Variants in ZNRF1 observed in about 807,000 individuals in gnomAD.
The protein encoded by ZNRF1 is E3 ubiquitin-protein ligase ZNRF1.
Under a neutral mutation model 18.4 loss-of-function variants are expected in ZNRF1, and 3 were observed. That is an observed-to-expected ratio of 0.16 (90% CI 0.07 to 0.42). The LOEUF is 0.42. Among genes scored for constraint, ZNRF1 ranks in the 10% least tolerant of loss-of-function variants. The pLI is 0.99. For missense variants in ZNRF1, 310 were observed against 329.8 expected (o/e 0.94, Z 0.47); for synonymous variants, 157 against 144.2 (o/e 1.09, Z -0.64).
intron 1 of ZNRF1, among the ~76,000 whole-genome samples, chr16:75,025,295 C>G (rs765333708): frequency 6.6e-6 from 1 of 152,058 alleles, no homozygotes. Context: ...GTCTCGATCT[C>G]CTGACCTTGT....
intron 1 of ZNRF1, among the ~76,000 whole-genome samples, chr16:75,024,209 C>A (rs1473322184): frequency 6.6e-6 from 1 of 152,102 alleles, no homozygotes; most frequent in Non-Finnish European, 1.5e-5. Flanking sequence ...TGCCCACAGT[C>A]CATACTAACT....
chr16:75,002,707 T>C (rs1334222572), intron 1 of ZNRF1, among the ~76,000 whole-genome samples: 5 of 152,208 alleles, frequency 3.3e-5, no homozygotes, highest in Non-Finnish European at 7.3e-5. Context: ...AAAATAGTTG[T>C]GGTCACCCTC....
chr16:75,052,944 G>A (rs2035623239), intron 1 of ZNRF1, among the ~76,000 whole-genome samples: 1 of 152,228 alleles, frequency 6.6e-6, no homozygotes, highest in African/African-American at 2.4e-5. Context: ...AAAATGAGGA[G>A]AATCTGAGCC....
intron 1 of ZNRF1, among the ~76,000 whole-genome samples, chr16:75,031,268 A>T (rs2035299374): frequency 6.6e-6 from 1 of 151,674 alleles, no homozygotes. Flanking sequence ...GGTAGCTAGG[A>T]TTACAGGCGT....
chr16:75,030,833 C>CTTTTTTTTTTTTTTTTTTTT (rs59468839), intron 1 of ZNRF1, among the ~76,000 whole-genome samples: 2 of 91,378 alleles, frequency 2.2e-5, no homozygotes, highest in Non-Finnish European at 4.4e-5. Flanking sequence ...CACTTTATTC[C>CTTTTTTTTTTTTTTTTTTTT]TTTTTTTTTT....
chr16:75,004,582 G>C (rs1180004262), intron 1 of ZNRF1, among the ~76,000 whole-genome samples: 1 of 152,160 alleles, frequency 6.6e-6, no homozygotes, highest in Non-Finnish European at 1.5e-5. Context: ...GCCATCAACT[G>C]AGACTGATAC....
rs67210395 is a variant in ZNRF1 at position 75,010,711 on chromosome 16, G to GTTTTTTTTTTTTTTTTTTT, written c.424+10623_424+10624insTTTTTTTTTTTTTTTTTTT. 3.4e-4 allele frequency among the ~76,000 whole-genome samples: 25 copies of GTTTTTTTTTTTTTTTTTTT among 74,338 alleles called. 1 individual carries two copies. The highest frequency in any genetic ancestry group is 1.3e-3 in the East Asian group (4 of 3,100). The allele number at this position is 74,338 out of a possible 152,430, so 48.8% of individuals were successfully genotyped here. On this transcript the variant is annotated intron_variant, in intron 1 of 4. Coordinates refer to ENST00000335325, the MANE Select transcript of ZNRF1 (RefSeq NM_032268.5). ...CCTCTGTACTGTACTGTTTTTTTTT[G>GTTTTTTTTTTTTTTTTTTT]TTTTTTTGTTTTTTTTTTTTTGAGG...
chr16:75,106,224 A>G, intron 3 of ZNRF1: 2 of 493,878 alleles, frequency 4.0e-6, no homozygotes, highest in Non-Finnish European at 7.4e-6. Flanking sequence ...TCTGAAAGCC[A>G]CTCTGCCCCT....
At chr16:75,012,430 G>T (rs2035010908) in intron 1 of ZNRF1, among the ~76,000 whole-genome samples, 1 of 152,122 alleles carries the variant, frequency 6.6e-6, no homozygotes, top group Admixed American at 6.6e-5. Flanking sequence ...TACTGTCTGT[G>T]CCCCCCTTTT....
intron 1 of ZNRF1, among the ~76,000 whole-genome samples, chr16:75,013,997 T>C (rs2035034171): frequency 6.6e-6 from 1 of 151,936 alleles, no homozygotes; most frequent in African/African-American, 2.4e-5. Flanking sequence ...ACCCGACTAA[T>C]TTTTTGTATT....
At chr16:75,093,115 T>A (rs2036158931) in intron 1 of ZNRF1, among the ~76,000 whole-genome samples, 2 of 152,184 alleles carry the variant, frequency 1.3e-5, no homozygotes, top group Non-Finnish European at 2.9e-5. Context: ...CCGGGCGCGG[T>A]GGCTCATGCC....
intron 1 of ZNRF1, among the ~76,000 whole-genome samples, chr16:75,074,783 T>C (rs888110338): frequency 2.0e-5 from 3 of 152,142 alleles, no homozygotes; most frequent in African/African-American, 7.2e-5. Flanking sequence ...AAAGGTTTTT[T>C]TAGGCCCAGT....
At chr16:75,022,600 A>C (rs927359826) in intron 1 of ZNRF1, among the ~76,000 whole-genome samples, 4 of 152,146 alleles carry the variant, frequency 2.6e-5, no homozygotes, top group East Asian at 1.9e-4. Context: ...CAAATTAATT[A>C]AAATAAATAA....
intron 1 of ZNRF1, among the ~76,000 whole-genome samples, chr16:75,093,120 C>G (rs756758884): frequency 6.6e-6 from 1 of 152,218 alleles, no homozygotes; most frequent in African/African-American, 2.4e-5. Flanking sequence ...CGCGGTGGCT[C>G]ATGCCTGTAA....
intron 1 of ZNRF1, among the ~76,000 whole-genome samples, chr16:75,079,339 G>A (rs1372910541): frequency 6.6e-6 from 1 of 152,156 alleles, no homozygotes; most frequent in Non-Finnish European, 1.5e-5. Context: ...AATTCGCTGG[G>A]CATGGTGGCA....
chr16:75,073,881 T>C (rs574743650), intron 1 of ZNRF1, among the ~76,000 whole-genome samples: 1 of 152,250 alleles, frequency 6.6e-6, no homozygotes, highest in South Asian at 2.1e-4. Context: ...TAGGGAACTT[T>C]CCGGTTCACT....
intron 1 of ZNRF1, among the ~76,000 whole-genome samples, chr16:75,083,284 C>T (rs2036036651): frequency 6.6e-6 from 1 of 152,208 alleles, no homozygotes; most frequent in Admixed American, 6.5e-5. Flanking sequence ...ACACATCCAT[C>T]CTTGGTTGGA....
chr16:75,028,101 C>T (rs2035250841), intron 1 of ZNRF1, among the ~76,000 whole-genome samples: 1 of 152,180 alleles, frequency 6.6e-6, no homozygotes, highest in South Asian at 2.1e-4. Context: ...AAATTTCATT[C>T]CCACTTCCTG....
At chr16:75,041,358 C>T (rs952363452) in intron 1 of ZNRF1, among the ~76,000 whole-genome samples, 1 of 151,914 alleles carries the variant, frequency 6.6e-6, no homozygotes, top group Middle Eastern at 3.2e-3. Flanking sequence ...GAGACAGGGT[C>T]TCACCCTGTC....
Sources: allele counts gnomAD v4.1 joint callset (sites outside exome capture counted in the v4.1 genomes callset), GRCh38; gene constraint gnomAD v4.1.1; transcripts MANE v1.5; gene names NCBI Gene and HGNC (gene_info 2026-07-23, HGNC 2026-07-21).